Variants in REXO1 observed in about 807,000 individuals in gnomAD.
REXO1 encodes the protein REX1, RNA exonuclease 1 homolog.
In REXO1, 42 loss-of-function variants were observed where a neutral mutation model predicts 102.6. That is an observed-to-expected ratio of 0.41 (90% CI 0.32 to 0.53). The LOEUF (loss-of-function observed/expected upper bound fraction) is 0.53. Among genes scored for constraint, REXO1 ranks in the 20% least tolerant of loss-of-function variants. REXO1 has a pLI of 0.27. For synonymous variants in REXO1, 908 were observed against 779.1 expected, an observed-to-expected ratio of 1.17 and a Z score of -2.76; for missense variants, 1,819 against 1,732.5, an observed-to-expected ratio of 1.05 and a Z score of -0.89.
intron 1 of REXO1, among the ~76,000 whole-genome samples, chr19:1,845,770 G>A (rs1009448269): frequency 1.3e-5 from 2 of 152,148 alleles, no homozygotes; most frequent in African/African-American, 4.8e-5. Context: ...ATGACCCGCT[G>A]AGCCTGTGAC....
At chr19:1,844,490 G>C (rs1599176896) in intron 1 of REXO1, among the ~76,000 whole-genome samples, 4 of 152,196 alleles carry the variant, frequency 2.6e-5, no homozygotes, top group African/African-American at 9.7e-5. Context: ...GGCTTCAGGA[G>C]ATATTGGGTA....
intron 1 of REXO1, among the ~76,000 whole-genome samples, chr19:1,829,839 C>T (rs1040578644): frequency 6.6e-6 from 1 of 152,162 alleles, no homozygotes; most frequent in Non-Finnish European, 1.5e-5. Flanking sequence ...GGTGGAGTCT[C>T]ACCATATTGG....
At position 1,827,209 on chromosome 19, in the gene REXO1, T is replaced by TCACTCTCGTCCC. The variant is rs1303432575; in HGVS notation, c.1568_1579dup (p.Gly523_Ser526dup). On this transcript the variant is annotated inframe_insertion, in exon 2 of 16. Coordinates refer to ENST00000170168, the MANE Select transcript of REXO1 (RefSeq NM_020695.4). ...CACCCCTGGCCCTGCGGCCTCGTCC[T>TCACTCTCGTCCC]CACTCTCGTCCCCAAAGAGGTCGGC... The TCACTCTCGTCCC allele has an allele frequency of 1.3e-6, 2 of 1,541,218 alleles. No individual in the cohort carries two copies. The highest frequency in any genetic ancestry group is 1.7e-6 in the Non-Finnish European group (2 of 1,147,474).
intron 1 of REXO1, among the ~76,000 whole-genome samples, chr19:1,829,968 C>T (rs1599151141): frequency 6.6e-6 from 1 of 152,088 alleles, no homozygotes; most frequent in African/African-American, 2.4e-5. Context: ...AATGTCTTCC[C>T]GGGGGGCAGC....
intron 1 of REXO1, among the ~76,000 whole-genome samples, chr19:1,836,282 T>C (rs1266986032): frequency 6.6e-6 from 1 of 152,160 alleles, no homozygotes; most frequent in African/African-American, 2.4e-5. Flanking sequence ...GATCCCAACC[T>C]GAACTTCCAG....
At chr19:1,821,489 G>C in intron 5 of REXO1, 30 bp downstream of exon 5, 1 of 1,612,836 alleles carries the variant, frequency 6.2e-7, no homozygotes, top group Non-Finnish European at 8.5e-7. Flanking sequence ...TCTTGGGGGT[G>C]GTGGTCCTGG....
chr19:1,819,810 G>A (rs1183765081), intron 7 of REXO1, 124 bp downstream of exon 7: 39 of 1,094,180 alleles, frequency 3.6e-5, no homozygotes, highest in East Asian at 2.4e-4. Context: ...CCACAGCACC[G>A]CGCTTTCCTT....
At chr19:1,836,836 G>A (rs1599163129) in intron 1 of REXO1, among the ~76,000 whole-genome samples, 2 of 152,036 alleles carry the variant, frequency 1.3e-5, no homozygotes, top group East Asian at 3.9e-4. Flanking sequence ...AACGCAACCA[G>A]GCATCAGCAG....
Position 1,815,949 on chromosome 19 carries a change from C to T in REXO1, c.*117G>A, listed in dbSNP as rs1164276647. On this transcript the variant is annotated 3_prime_UTR_variant, in exon 16 of 16. Transcript: ENST00000170168. The surrounding 1 kb of genome is among the most constrained non-coding windows in gnomAD (Gnocchi z 4.0). ...CTGGCCGCCAGCTCATCCCGCTGCT[C>T]TGGGCTGCCTCGGCCAGGTGGACGG... The T allele has an allele frequency of 6.5e-7, 1 of 1,535,260 alleles. No individual in the cohort carries two copies. The highest frequency in any genetic ancestry group is 1.2e-5 in the South Asian group (1 of 83,872).
rs971430803 is a variant in REXO1, at chr19:1,820,486, G to C, written c.2395-91C>G. ...CGCGATGAGGCCGTGCCCATGGCTG[G>C]AGGCAAGAGTGAGGTGCGCTGGGAC... On this transcript the variant is annotated intron_variant, in intron 5 of 15. Transcript: ENST00000170168. 6 of 1,490,366 alleles carry C rather than the reference G, an allele frequency of 4.0e-6. No homozygotes were observed. In the African/African-American group the frequency reaches 5.6e-5, roughly 14 times the overall value. 92.3% of individuals were successfully genotyped at this position (1,490,366 alleles called of 1,614,324 possible). A position where few individuals can be genotyped will look rare whatever the true frequency, so the allele number is the denominator to read the frequency against.
At chr19:1,843,826 G>A (rs373482465) in intron 1 of REXO1, among the ~76,000 whole-genome samples, 45 of 152,340 alleles carry the variant, frequency 3.0e-4, no homozygotes, top group East Asian at 2.3e-3. Context: ...ACGGAAAGCC[G>A]GCTGTCTCCC....
At position 1,821,622 on chromosome 19, in the gene REXO1, T is replaced by C; in HGVS notation, c.2291A>G (p.Glu764Gly). Residue 764 changes from glutamate (E) to glycine (G), a missense_variant, in exon 5 of 16, where the codon GAG (glutamate) becomes GGG (glycine). Glu to Gly is a moderately conservative substitution (Grantham distance 98, BLOSUM62 -2). Transcript: ENST00000170168. ...TGTTTTCAGCTGCTGGCCACCTGGCTCAGGGCCGTTGGAGGACTGGCTGCC... is the reference window on the plus strand; with the variant it reads ...TGTTTTCAGCTGCTGGCCACCTGGCCCAGGGCCGTTGGAGGACTGGCTGCC... The part of the protein sequence containing the change: ...ASGSQSSNGP[E>G]PGGQQLKTRT... 1 of 1,613,670 alleles carries C rather than the reference T, an allele frequency of 6.2e-7. No homozygotes were observed. Among genetic ancestry groups the C allele is most frequent in the Non-Finnish European group, 8.5e-7 (1 of 1,179,884 alleles).
intron 1 of REXO1, among the ~76,000 whole-genome samples, chr19:1,844,657 C>T (rs1010869146): frequency 5.3e-5 from 8 of 152,210 alleles, no homozygotes; most frequent in African/African-American, 1.7e-4. Context: ...GCTGGGACGC[C>T]GCCAACAGCC....
intron 8 of REXO1, 37 bp downstream of exon 8, chr19:1,818,981 C>A (rs746710354): frequency 1.3e-6 from 2 of 1,577,088 alleles, no homozygotes; most frequent in East Asian, 2.3e-5. Context: ...CAGAGGCCCA[C>A]GAAGCACCGT....
At position 1,826,040 on chromosome 19, in the gene REXO1, C is replaced by T. The variant is rs2145270650; in HGVS notation, c.1912-97G>A. On this transcript the variant is annotated intron_variant, in intron 2 of 15. Transcript: ENST00000170168. This position sits in a 1 kb window ranked among gnomAD's most constrained non-coding sequence, Gnocchi z 4.3. ...TGCCCCCGGCAAGTGGGGAATGGAA[C>T]AGTCCAGCCCCCAGGCACAGCAGCT... 3 of 821,580 alleles carry T rather than the reference C, an allele frequency of 3.7e-6. No homozygotes were observed. 50.9% of individuals were successfully genotyped at this position (821,580 alleles called of 1,614,324 possible). A position where few individuals can be genotyped will look rare whatever the true frequency, so the allele number is the denominator to read the frequency against.
At chr19:1,843,549 G>A (rs1483267720) in intron 1 of REXO1, among the ~76,000 whole-genome samples, 1 of 152,206 alleles carries the variant, frequency 6.6e-6, no homozygotes, top group Non-Finnish European at 1.5e-5. Flanking sequence ...AAGCTCCATA[G>A]CTGCCACTCC....
rs2069736944 is a variant in REXO1, at chr19:1,826,776, G to C, written c.1911+102C>G. 11 of 1,498,988 alleles carry C rather than the reference G, an allele frequency of 7.3e-6. No homozygotes were observed. Among genetic ancestry groups the C allele is most frequent in the Non-Finnish European group, 8.9e-7 (1 of 1,128,702 alleles). 92.9% of individuals were successfully genotyped at this position (1,498,988 alleles called of 1,614,324 possible). ...AGCACTGAGGAGCTGCCTCCACCCCGTGCCTCCGAGCCAACTGGAAACCAC... is the reference window on the plus strand; with the variant it reads ...AGCACTGAGGAGCTGCCTCCACCCCCTGCCTCCGAGCCAACTGGAAACCAC... On this transcript the variant is annotated intron_variant, in intron 2 of 15. Coordinates refer to ENST00000170168, the MANE Select transcript of REXO1 (RefSeq NM_020695.4). The surrounding 1 kb of genome is among the most constrained non-coding windows in gnomAD (Gnocchi z 4.3).
chr19:1,834,776 T>C (rs1438710058), intron 1 of REXO1, among the ~76,000 whole-genome samples: 1 of 152,178 alleles, frequency 6.6e-6, no homozygotes, highest in African/African-American at 2.4e-5. Context: ...GGGCACACTC[T>C]GCAGAGGGGG....
At position 1,818,606 on chromosome 19, in the gene REXO1, G is replaced by A. The variant is rs1468319450; in HGVS notation, c.2903-11C>T. On this transcript the variant is annotated splice_polypyrimidine_tract_variant and intron_variant, in intron 9 of 15. Transcript: ENST00000170168. The stretch of plus-strand genomic sequence containing the variant: ...AGGTCCTGCAGGAAGCTGTGGGTGG[G>A]GACCCAGGTGGAAGCTGAGGCTCAC... 1 of 1,608,108 alleles carries A rather than the reference G, an allele frequency of 6.2e-7. No individual in the cohort carries two copies. Among genetic ancestry groups the A allele is most frequent in the East Asian group, 2.2e-5 (1 of 44,686 alleles).
Sources: allele counts gnomAD v4.1 joint callset (sites outside exome capture counted in the v4.1 genomes callset), GRCh38; gene constraint gnomAD v4.1.1; non-coding constraint Gnocchi (gnomAD v3.1); transcripts MANE v1.5; gene names NCBI Gene and HGNC (gene_info 2026-07-23, HGNC 2026-07-21).